Variants in ARHGAP42 observed in about 807,000 individuals in gnomAD.
ARHGAP42 encodes rho GTPase-activating protein 42.
In ARHGAP42, 63 loss-of-function variants were observed where a neutral mutation model predicts 125.0. The ratio of observed to expected loss-of-function variants is 0.50; its 90% confidence interval spans 0.41 to 0.62. ARHGAP42 has a LOEUF of 0.62. ARHGAP42 is among the 20% of genes least tolerant of loss of function. The probability of loss-of-function intolerance (pLI) is 0.00; values close to 1 mark genes in which losing one functional copy is unlikely to be tolerated. For missense variants in ARHGAP42, 766 were observed against 1,024.2 expected, an observed-to-expected ratio of 0.75 and a Z score of 3.44; for synonymous variants, 339 against 351.0, an observed-to-expected ratio of 0.97 and a Z score of 0.38.
chr11:100,903,280 G>GA (rs1158276257), intron 4 of ARHGAP42, among the ~76,000 whole-genome samples: 7 of 151,120 alleles, frequency 4.6e-5, no homozygotes, highest in South Asian at 4.2e-4. Flanking sequence ...TTAGGAATAA[G>GA]AAAAAAAATA....
At chr11:100,874,162 C>T (rs943925264) in intron 4 of ARHGAP42, among the ~76,000 whole-genome samples, 4 of 151,916 alleles carry the variant, frequency 2.6e-5, no homozygotes, top group Non-Finnish European at 2.9e-5. Flanking sequence ...CAGAGCTGGA[C>T]GTCTGTGCAA....
At chr11:100,791,345 C>T (rs923053811) in intron 2 of ARHGAP42, among the ~76,000 whole-genome samples, 1 of 152,138 alleles carries the variant, frequency 6.6e-6, no homozygotes, top group African/African-American at 2.4e-5. Flanking sequence ...TAATACCTTA[C>T]ATTCTTGTAC....
At chr11:100,702,126 A>T (rs185016609) in intron 1 of ARHGAP42, among the ~76,000 whole-genome samples, 12 of 152,264 alleles carry the variant, frequency 7.9e-5, no homozygotes, top group Non-Finnish European at 1.5e-4. Context: ...CTCAAAAAAA[A>T]AATAATAATA....
At position 100,973,850 on chromosome 11, in the gene ARHGAP42, C is replaced by T. The variant is rs907838215; in HGVS notation, c.1710+516C>T. 1.3e-5 allele frequency among the ~76,000 whole-genome samples: 2 copies of T among 152,250 alleles called. 1 individual carries two copies. The highest frequency in any genetic ancestry group is 6.8e-3 in the Middle Eastern group (2 of 294). On this transcript the variant is annotated intron_variant, in intron 18 of 23. Coordinates refer to ENST00000298815, the MANE Select transcript of ARHGAP42 (RefSeq NM_152432.4). ...GCAAATTGAACCATTTAAGGTCTAACAATTTGTAATCCTTTTATCTCTGAT... is the reference window on the plus strand; with the variant it reads ...GCAAATTGAACCATTTAAGGTCTAATAATTTGTAATCCTTTTATCTCTGAT...
Position 100,976,230 on chromosome 11 carries a change from C to G in ARHGAP42, c.2029C>G (p.Leu677Val). 1 of 1,551,640 alleles carries G rather than the reference C, an allele frequency of 6.4e-7. No homozygotes were observed. The highest frequency in any genetic ancestry group is 8.7e-7 in the Non-Finnish European group (1 of 1,146,902). ...TPSSSNGQKS[L>V]GLWTTSPESS... Reference sequence around the variant, plus strand: ...ATCATCTTCCAATGGACAGAAAAGCCTTGGTCTGTGGACAACTAGTCCTGA... The same window carrying G: ...ATCATCTTCCAATGGACAGAAAAGCGTTGGTCTGTGGACAACTAGTCCTGA... Residue 677 changes from leucine (L) to valine (V), a missense_variant, in exon 20 of 24, where the codon CTT (leucine) becomes GTT (valine). By Grantham distance (32) the Leu-to-Val change is conservative. Around this residue, in one of 3 missense-constraint regions of ARHGAP42, gnomAD observed 308 missense variants for 369.7 expected, o/e 0.83. Transcript: ENST00000298815.
chr11:100,962,936 G>C (rs1591325324), intron 16 of ARHGAP42, among the ~76,000 whole-genome samples: 1 of 152,266 alleles, frequency 6.6e-6, no homozygotes, highest in Non-Finnish European at 1.5e-5. Context: ...ATGTGTTTTA[G>C]AAGCCAATAA....
At chr11:100,712,392 A>G (rs1376567577) in intron 1 of ARHGAP42, among the ~76,000 whole-genome samples, 1 of 152,252 alleles carries the variant, frequency 6.6e-6, no homozygotes, top group African/African-American at 2.4e-5. Context: ...AGCGAAGTAC[A>G]GAATTGTTAC....
chr11:100,883,499 T>G (rs1469071383), intron 4 of ARHGAP42, among the ~76,000 whole-genome samples: 1 of 151,958 alleles, frequency 6.6e-6, no homozygotes, highest in African/African-American at 2.4e-5. Flanking sequence ...CCCGCCACCA[T>G]GCCCGGCTAA....
chr11:100,975,957 C>G, intron 19 of ARHGAP42, 100 bp from the exon 20 acceptor site: 4 of 1,347,412 alleles, frequency 3.0e-6, no homozygotes, highest in Non-Finnish European at 3.9e-6. Flanking sequence ...GTCAGGTGGC[C>G]GCAGAACACA....
In ARHGAP42 at chr11:100,687,824, C is replaced by T; in HGVS notation, c.146C>T (p.Ala49Val). Residue 49 changes from alanine (A) to valine (V), a missense_variant, in exon 1 of 24, where the codon GCG becomes GTG. By Grantham distance (64) the Ala-to-Val change is moderately conservative. Coordinates refer to ENST00000298815, the MANE Select transcript of ARHGAP42 (RefSeq NM_152432.4). ...LIKDGSLLIG[A>V]LRNLSMAVQK... ...AAGGACGGCTCTCTGCTCATTGGGGCGTTGAGGAGTAAGTAGGGCTGGCGG... is the reference window on the plus strand; with the variant it reads ...AAGGACGGCTCTCTGCTCATTGGGGTGTTGAGGAGTAAGTAGGGCTGGCGG... The T allele has an allele frequency of 6.5e-7, 1 of 1,547,964 alleles. No homozygotes were observed. The highest frequency in any genetic ancestry group is 8.7e-7 in the Non-Finnish European group (1 of 1,144,718).
chr11:100,862,642 A>G (rs1865471344), intron 4 of ARHGAP42, among the ~76,000 whole-genome samples: 1 of 152,110 alleles, frequency 6.6e-6, no homozygotes. Context: ...GGTGGTGGTG[A>G]TTCTGTGTAT....
At chr11:100,689,864 A>G (rs2120162624) in intron 1 of ARHGAP42, among the ~76,000 whole-genome samples, 1 of 152,338 alleles carries the variant, frequency 6.6e-6, no homozygotes, top group South Asian at 2.1e-4. Flanking sequence ...GAACCCTTGA[A>G]GTCACACTGT....
At chr11:100,974,068 C>T (rs1411149601) in intron 18 of ARHGAP42, among the ~76,000 whole-genome samples, 1 of 152,174 alleles carries the variant, frequency 6.6e-6, no homozygotes, top group Non-Finnish European at 1.5e-5. Flanking sequence ...TCAGAGCCAA[C>T]AGCATGGCAG....
Position 100,718,195 on chromosome 11 carries a change from G to T in ARHGAP42, c.154+30363G>T, listed in dbSNP as rs554464606. Among the ~76,000 whole-genome samples, 18 of 152,278 alleles carry T rather than the reference G, an allele frequency of 1.2e-4. No individual in the cohort carries two copies. The East Asian group carries it at 2.9e-3, about 25-fold the overall frequency. ...GACAGATCACTTGGAGAAGAGAGAT[G>T]GTTTGGAGGTCACAGTGTTTGTGGC... On this transcript the variant is annotated intron_variant, in intron 1 of 23. Coordinates refer to ENST00000298815, the MANE Select transcript of ARHGAP42 (RefSeq NM_152432.4).
intron 4 of ARHGAP42, among the ~76,000 whole-genome samples, chr11:100,876,790 T>G (rs1380114441): frequency 6.6e-6 from 1 of 152,236 alleles, no homozygotes; most frequent in African/African-American, 2.4e-5. Flanking sequence ...ACTTTATTAA[T>G]AGGTTTCACT....
chr11:100,748,511 A>G (rs1383529243), intron 1 of ARHGAP42, among the ~76,000 whole-genome samples: 5 of 152,374 alleles, frequency 3.3e-5, no homozygotes, highest in Middle Eastern at 3.4e-3. Flanking sequence ...TTTTTCTAAC[A>G]GAATAGCCTT....
intron 2 of ARHGAP42, among the ~76,000 whole-genome samples, chr11:100,784,549 C>T (rs971767454): frequency 6.6e-6 from 1 of 152,090 alleles, no homozygotes; most frequent in Non-Finnish European, 1.5e-5. Context: ...TTATTCCTCA[C>T]TCATGCTACT....
intron 6 of ARHGAP42, among the ~76,000 whole-genome samples, chr11:100,923,876 T>C (rs950803475): frequency 9.2e-5 from 14 of 152,120 alleles, no homozygotes; most frequent in Non-Finnish European, 1.6e-4. Flanking sequence ...GTCTCATCCA[T>C]GGAGTTGTAC....
intron 17 of ARHGAP42, 128 bp from the exon 18 acceptor site, chr11:100,973,046 GC>G: frequency 1.3e-6 from 1 of 774,504 alleles, no homozygotes; most frequent in South Asian, 2.4e-5. Context: ...ATTGGAAGTG[GC>G]TAAAAGTAGG....
Sources: gnomAD v4.1 joint callset for allele counts (sites outside exome capture counted in the v4.1 genomes callset) on GRCh38, gnomAD v4.1.1 for gene constraint, gnomAD v4.1.1 regional missense constraint, MANE v1.5 for transcripts, NCBI Gene and HGNC (gene_info 2026-07-23, HGNC 2026-07-21) for gene names.